PKN2: variants seen among roughly 807,000 people sequenced by gnomAD.
PKN2 encodes protein kinase N2.
Under a neutral mutation model 119.1 loss-of-function variants are expected in PKN2, and 38 were observed. The ratio of observed to expected loss-of-function variants is 0.32; its 90% confidence interval spans 0.25 to 0.42. The LOEUF is 0.42. Among genes scored for constraint, PKN2 ranks in the 10% least tolerant of loss-of-function variants. The pLI is 1.00. For missense variants in PKN2, 850 were observed against 1,165.1 expected (o/e 0.73, Z 3.94); for synonymous variants, 390 against 384.9 (o/e 1.01, Z -0.15).
chr1:88,801,104 C>G (rs1671288931), intron 8 of PKN2, among the ~76,000 whole-genome samples: 2 of 152,144 alleles, frequency 1.3e-5, no homozygotes, highest in Admixed American at 1.3e-4. Context: ...AAACATTGGG[C>G]CAGGCACAGT....
At chr1:88,694,548 T>C (rs1666458430) in intron 1 of PKN2, among the ~76,000 whole-genome samples, 1 of 152,266 alleles carries the variant, frequency 6.6e-6, no homozygotes, top group South Asian at 2.1e-4. Context: ...GCTTCTGTTT[T>C]GGCAGTTATG....
Position 88,786,111 on chromosome 1 carries a change from C to G in PKN2, c.1179C>G (p.Val393=), listed in dbSNP as rs1670561494. ...LLKTDDLSND[V]CAVLKLDNTV... is the part of the protein sequence containing the mutation. ...TGTAAATTTTAATTACAGATGATGT[C>G]TGTGCTGTTTTGAAGCTCGATAATA... Residue 393 remains valine (V), a synonymous_variant, in exon 8 of 22, where the codon GTC becomes GTG. Coordinates refer to ENST00000370521, the MANE Select transcript of PKN2 (RefSeq NM_006256.4). 1 of 1,599,276 alleles carries G rather than the reference C, an allele frequency of 6.3e-7. No individual in the cohort carries two copies. Among genetic ancestry groups the G allele is most frequent in the Non-Finnish European group, 8.6e-7 (1 of 1,167,126 alleles).
At position 88,835,461 on chromosome 1, in the gene PKN2, ATTTT is replaced by A. The variant is rs34982854; in HGVS notation, c.*2019_*2022del. The A allele has an allele frequency of 6.6e-6, 1 of 151,850 alleles. No individual in the cohort carries two copies. Among genetic ancestry groups the A allele is most frequent in the Non-Finnish European group, 1.5e-5 (1 of 67,754 alleles). 9.4% of individuals were successfully genotyped at this position (151,850 alleles called of 1,614,324 possible). On this transcript the variant is annotated 3_prime_UTR_variant, in exon 22 of 22. Transcript: ENST00000370521. ...ATTTCGTAACTACACAGTGTACAGA[ATTTT>A]TTTTTAATTGAAGTCAATCACTAAA...
intron 3 of PKN2, among the ~76,000 whole-genome samples, chr1:88,762,190 T>C (rs940676449): frequency 6.6e-6 from 1 of 152,216 alleles, no homozygotes; most frequent in African/African-American, 2.4e-5. Flanking sequence ...CTGCTCTAAG[T>C]TGAACAGAGT....
intron 1 of PKN2, among the ~76,000 whole-genome samples, chr1:88,706,537 A>G (rs1490586868): frequency 6.6e-6 from 1 of 152,164 alleles, no homozygotes; most frequent in Non-Finnish European, 1.5e-5. Context: ...AAGAGTAGCC[A>G]TCCTTATTTT....
In PKN2 at chr1:88,770,487, C is replaced by A; in HGVS notation, c.622+18C>A. ...TGATAATGGTGATGGAATAAATTGT[C>A]CTCCTTCTTATGAGCATAATGGTGC... On this transcript the variant is annotated intron_variant, in intron 4 of 21. Transcript: ENST00000370521. 1 of 1,304,556 alleles carries A rather than the reference C, an allele frequency of 7.7e-7. No homozygotes were observed. Among genetic ancestry groups the A allele is most frequent in the Non-Finnish European group, 1.1e-6 (1 of 897,422 alleles). 80.8% of individuals were successfully genotyped at this position (1,304,556 alleles called of 1,614,324 possible).
intron 2 of PKN2, among the ~76,000 whole-genome samples, chr1:88,755,237 T>C (rs1218011147): frequency 6.6e-6 from 1 of 152,164 alleles, no homozygotes; most frequent in Non-Finnish European, 1.5e-5. Flanking sequence ...TTAAGAAATA[T>C]ACTGGCAACT....
chr1:88,760,413 C>T lies in PKN2; in HGVS notation c.504+37C>T, dbSNP rs1372697028. On this transcript the variant is annotated intron_variant, in intron 3 of 21. Coordinates refer to ENST00000370521, the MANE Select transcript of PKN2 (RefSeq NM_006256.4). ...TAATAAATGTAACTATATAGTCAGT[C>T]ATTATTTGCAGATTCCATAGTTATA... The T allele has an allele frequency of 4.3e-6, 5 of 1,153,308 alleles. No individual in the cohort carries two copies. The Admixed American group carries it at 7.4e-5, about 17-fold the overall frequency. 71.4% of individuals were successfully genotyped at this position (1,153,308 alleles called of 1,614,324 possible).
chr1:88,818,520 C>T lies in PKN2; in HGVS notation c.2280-3421C>T, dbSNP rs188737026. On this transcript the variant is annotated intron_variant, in intron 16 of 21. Coordinates refer to ENST00000370521, the MANE Select transcript of PKN2 (RefSeq NM_006256.4). ...AAAATTAGATAGGCATGGTGGTACA[C>T]GCCTGTAATCCCAGCTACTCGGGAG... is the stretch of plus-strand genomic sequence containing the variant. Among the ~76,000 whole-genome samples the T allele has an allele frequency of 2.6e-5, 4 of 151,856 alleles. No homozygotes were observed. In the East Asian group the frequency reaches 5.8e-4, roughly 22 times the overall value.
intron 8 of PKN2, among the ~76,000 whole-genome samples, chr1:88,789,691 T>TAATAATAAC (rs887795312): frequency 1.1e-3 from 140 of 123,300 alleles, no homozygotes; most frequent in Middle Eastern, 5.1e-3. Flanking sequence ...ATAATAATAA[T>TAATAATAAC]AACAACAACA....
At chr1:88,803,162 C>G (rs1272191185) in intron 8 of PKN2, among the ~76,000 whole-genome samples, 2 of 152,156 alleles carry the variant, frequency 1.3e-5, no homozygotes, top group African/African-American at 2.4e-5. Context: ...GTGGAAGGCC[C>G]TGAGATCACA....
chr1:88,754,475 T>C (rs1669126331), intron 2 of PKN2, among the ~76,000 whole-genome samples: 1 of 152,206 alleles, frequency 6.6e-6, no homozygotes. Flanking sequence ...TTTGAAGACA[T>C]GTTAGACTAG....
intron 15 of PKN2, among the ~76,000 whole-genome samples, chr1:88,811,557 T>C (rs1201537861): frequency 7.2e-5 from 11 of 152,198 alleles, no homozygotes. Context: ...TGTACTGGTG[T>C]ACTACTACAC....
intron 15 of PKN2, among the ~76,000 whole-genome samples, chr1:88,812,257 A>G (rs2100892567): frequency 6.6e-6 from 1 of 152,298 alleles, no homozygotes; most frequent in East Asian, 1.9e-4. Flanking sequence ...CCTCATCATT[A>G]TTGTAATTCA....
At chr1:88,827,502 C>T (rs1024345906) in intron 18 of PKN2, among the ~76,000 whole-genome samples, 5 of 151,666 alleles carry the variant, frequency 3.3e-5, no homozygotes, top group South Asian at 2.1e-4. Context: ...TAAGTACTTG[C>T]GGAATTCTCT....
At chr1:88,813,482 A>T in intron 15 of PKN2, 75 bp from the exon 16 acceptor site, 1 of 1,065,536 alleles carries the variant, frequency 9.4e-7, no homozygotes. Context: ...TTTTAAGTTT[A>T]GTAATTTATA....
At chr1:88,726,723 C>T (rs1667913131) in intron 1 of PKN2, among the ~76,000 whole-genome samples, 1 of 151,154 alleles carries the variant, frequency 6.6e-6, no homozygotes, top group Non-Finnish European at 1.5e-5. Context: ...TAATATAGGA[C>T]TGTGCAGATT....
chr1:88,750,927 C>T (rs1004481079), intron 2 of PKN2, among the ~76,000 whole-genome samples: 3 of 152,126 alleles, frequency 2.0e-5, no homozygotes, highest in African/African-American at 4.8e-5. Context: ...TTTAATTCAA[C>T]GTAAACACTG....
chr1:88,816,408 G>T (rs1409101862), intron 16 of PKN2, among the ~76,000 whole-genome samples: 1 of 151,674 alleles, frequency 6.6e-6, no homozygotes, highest in African/African-American at 2.4e-5. Flanking sequence ...CACCATGCCT[G>T]GCTAATTTTT....
Sources: allele counts gnomAD v4.1 joint callset (sites outside exome capture counted in the v4.1 genomes callset), GRCh38; gene constraint gnomAD v4.1.1; transcripts MANE v1.5; gene names NCBI Gene and HGNC (gene_info 2026-07-23, HGNC 2026-07-21).